The following MYO1H variants were observed in gnomAD, a reference collection of about 807,000 sequenced individuals.
MYO1H encodes the protein unconventional myosin-Ih.
Under a neutral mutation model 149.3 loss-of-function variants are expected in MYO1H, and 118 were observed. That is an observed-to-expected ratio of 0.79 (90% CI 0.68 to 0.92). The LOEUF (loss-of-function observed/expected upper bound fraction) is 0.92. Among genes scored for constraint, MYO1H ranks in the 40% least tolerant of loss-of-function variants. The probability of loss-of-function intolerance (pLI) is 0.00; values close to 1 mark genes in which losing one functional copy is unlikely to be tolerated. For synonymous variants in MYO1H, 447 were observed against 465.2 expected, an observed-to-expected ratio of 0.96 and a Z score of 0.50; for missense variants, 1,212 against 1,280.7, an observed-to-expected ratio of 0.95 and a Z score of 0.82.
the MYO1H span, among the ~76,000 whole-genome samples, chr12:109,326,350 C>T: frequency 6.6e-6 from 1 of 152,104 alleles, no homozygotes; most frequent in South Asian, 2.1e-4. Context: ...GCTAGTGGGT[C>T]TTGGGAACAC....
rs184525106 is a variant in MYO1H, at chr12:109,361,937, A to G, written c.12+13965A>G. 3.9e-3 allele frequency among the ~76,000 whole-genome samples: 598 copies of G among 152,340 alleles called. 7 individuals are homozygous for G. The highest frequency in any genetic ancestry group is 0.014 in the African/African-American group (563 of 41,592). On this transcript the variant is annotated intron_variant, in intron 1 of 31. Coordinates refer to ENST00000310903, the Ensembl canonical transcript of MYO1H. Reference sequence around the variant, plus strand: ...CCCTGTTGTTGTTAATCTTGCATCAATGCAAAGAAAACAATTGAGTCAGTA... The same window carrying G: ...CCCTGTTGTTGTTAATCTTGCATCAGTGCAAAGAAAACAATTGAGTCAGTA...
intron 10 of MYO1H, 27 bp from the exon 11 acceptor site, chr12:109,409,530 A>G: frequency 3.1e-6 from 5 of 1,602,580 alleles, no homozygotes; most frequent in Non-Finnish European, 4.3e-6. Context: ...AGACCTAACT[A>G]TGAATGGGGT....
At chr12:109,389,724 G>T (rs745537676) in intron 2 of MYO1H, among the ~76,000 whole-genome samples, 5 of 152,280 alleles carry the variant, frequency 3.3e-5, no homozygotes, top group Non-Finnish European at 5.9e-5. Context: ...CCCTGTGTGT[G>T]TCGTGGGTGT....
intron 27 of MYO1H, among the ~76,000 whole-genome samples, chr12:109,443,046 G>GTATACACA (rs1335087804): frequency 3.0e-5 from 2 of 66,964 alleles, no homozygotes; most frequent in Non-Finnish European, 5.8e-5. Flanking sequence ...GTGTGTGTGT[G>GTATACACA]TATATATGTG....
intron 22 of MYO1H, among the ~76,000 whole-genome samples, chr12:109,438,003 G>A (rs1871938278): frequency 6.7e-6 from 1 of 149,346 alleles, no homozygotes; most frequent in Non-Finnish European, 1.5e-5. Flanking sequence ...TGGGAGAATT[G>A]CTTGAACCCA....
chr12:109,358,418 A>G (rs1478367773), intron 1 of MYO1H, among the ~76,000 whole-genome samples: 1 of 152,096 alleles, frequency 6.6e-6, no homozygotes, highest in African/African-American at 2.4e-5. Context: ...TGGTTCTGCT[A>G]TTTCCCTGCT....
At chr12:109,390,684 A>G (rs1449793247) in intron 2 of MYO1H, among the ~76,000 whole-genome samples, 1 of 150,318 alleles carries the variant, frequency 6.7e-6, no homozygotes, top group Non-Finnish European at 1.5e-5. Context: ...TTTCTTTTTC[A>G]TATGGAGTCT....
chr12:109,349,658 CA>C (rs398021025), intron 1 of MYO1H, among the ~76,000 whole-genome samples: 60,660 of 120,208 alleles, frequency 0.5, 14,205 homozygotes, highest in African/African-American at 0.62. Context: ...AACCCTGTCT[CA>C]AAAAAAAAAA....
chr12:109,374,499 A>G (rs1220123513), intron 1 of MYO1H, among the ~76,000 whole-genome samples: 1 of 152,208 alleles, frequency 6.6e-6, no homozygotes, highest in Non-Finnish European at 1.5e-5. Context: ...CCACTGTGCA[A>G]TCATAATAGT....
chr12:109,338,814 A>G, the MYO1H span, among the ~76,000 whole-genome samples: 2 of 148,852 alleles, frequency 1.3e-5, no homozygotes, highest in Admixed American at 1.3e-4. Flanking sequence ...TTTCTGCTTC[A>G]TTTTCTGCTT....
At chr12:109,432,387 T>C (rs1871667754) in intron 19 of MYO1H, among the ~76,000 whole-genome samples, 1 of 152,136 alleles carries the variant, frequency 6.6e-6, no homozygotes, top group Non-Finnish European at 1.5e-5. Flanking sequence ...CCTCCCAAAT[T>C]GCTGGGATCA....
At chr12:109,355,676 TTTTTG>T (rs1293388710) in intron 1 of MYO1H, among the ~76,000 whole-genome samples, 5 of 151,934 alleles carry the variant, frequency 3.3e-5, no homozygotes, top group Non-Finnish European at 7.4e-5. Flanking sequence ...TTTTGGTTTG[TTTTTG>T]TTTTGTTTTG....
chr12:109,398,382 C>T (rs1870008965), intron 5 of MYO1H, among the ~76,000 whole-genome samples: 1 of 152,178 alleles, frequency 6.6e-6, no homozygotes, highest in Non-Finnish European at 1.5e-5. Context: ...CACAGCTACA[C>T]CTCATGTGGA....
In MYO1H at chr12:109,445,615, G is replaced by T. The variant is rs762400329; in HGVS notation, c.3093+3G>T. On this transcript the variant is annotated splice_donor_region_variant and intron_variant, in intron 31 of 31. Coordinates refer to ENST00000310903, the Ensembl canonical transcript of MYO1H. ...ATAAAAATGGACAATTAACAGTGGTGAGTGGCCGTCTCTGGGAGGGAAGTA... is the reference window on the plus strand; with the variant it reads ...ATAAAAATGGACAATTAACAGTGGTTAGTGGCCGTCTCTGGGAGGGAAGTA... 23 of 1,608,566 alleles carry T rather than the reference G, an allele frequency of 1.4e-5. No individual in the cohort carries two copies. Among genetic ancestry groups the T allele is most frequent in the Non-Finnish European group, 2.0e-5 (23 of 1,178,658 alleles).
chr12:109,361,042 C>T (rs1277843543), intron 1 of MYO1H, among the ~76,000 whole-genome samples: 2 of 152,140 alleles, frequency 1.3e-5, no homozygotes. Flanking sequence ...TTGGCTTCCC[C>T]ACCTGTAATT....
At chr12:109,387,030 G>A (rs1416460103) in intron 1 of MYO1H, among the ~76,000 whole-genome samples, 1 of 114,616 alleles carries the variant, frequency 8.7e-6, no homozygotes, top group Non-Finnish European at 1.8e-5. Flanking sequence ...GTGTGTGTGT[G>A]TGTGTGTGTG....
chr12:109,350,213 C>T (rs971536894), intron 1 of MYO1H, among the ~76,000 whole-genome samples: 6 of 152,048 alleles, frequency 3.9e-5, no homozygotes, highest in African/African-American at 1.2e-4. Flanking sequence ...TGCAAATCAT[C>T]TGGGCAGTTG....
At chr12:109,328,472 T>C in the MYO1H span, among the ~76,000 whole-genome samples, 1 of 152,118 alleles carries the variant, frequency 6.6e-6, no homozygotes, top group Non-Finnish European at 1.5e-5. Flanking sequence ...CTGGGATTAC[T>C]GGTTTGAGCT....
chr12:109,328,198 T>C, the MYO1H span, among the ~76,000 whole-genome samples: 30 of 151,274 alleles, frequency 2.0e-4, no homozygotes, highest in African/African-American at 6.1e-4. Context: ...TTACCTTAGT[T>C]TTTTTAAATT....
Sources: allele counts gnomAD v4.1 joint callset (sites outside exome capture counted in the v4.1 genomes callset), GRCh38; gene constraint gnomAD v4.1.1; transcripts MANE v1.5; gene names NCBI Gene and HGNC (gene_info 2026-07-23, HGNC 2026-07-21).